The following TXNDC12 variants were observed in gnomAD, a reference collection of about 807,000 sequenced individuals.
The protein encoded by TXNDC12 is thioredoxin domain containing 12.
A neutral mutation model predicts 24.2 loss-of-function variants in TXNDC12; 22 were observed. The ratio of observed to expected loss-of-function variants is 0.91; its 90% CI spans 0.65 to 1.30. TXNDC12 has a LOEUF of 1.30. TXNDC12 is among the 50% of genes most tolerant of loss of function. The pLI is 0.00. For missense variants in TXNDC12, 184 were observed against 205.8 expected (o/e 0.89, Z 0.65); for synonymous variants, 58 against 73.4 (o/e 0.79, Z 1.07).
At position 52,020,921 on chromosome 1, in the gene TXNDC12, G is replaced by T; in HGVS notation, c.*12C>A. ...GAACACTAACTCTGATGAAAGAAGGGGCACATTCATGTTACAATTCATCTT... is the reference window on the plus strand; with the variant it reads ...GAACACTAACTCTGATGAAAGAAGGTGCACATTCATGTTACAATTCATCTT... On this transcript the variant is annotated 3_prime_UTR_variant, in exon 7 of 7. Transcript: ENST00000371626. 1 of 1,606,162 alleles carries T rather than the reference G, an allele frequency of 6.2e-7. No individual in the cohort carries two copies. Among genetic ancestry groups the T allele is most frequent in the African/African-American group, 1.3e-5 (1 of 74,876 alleles).
upstream of TXNDC12, chr1:52,055,239 G>T: frequency 1.6e-6 from 1 of 636,092 alleles, no homozygotes; most frequent in Non-Finnish European, 2.8e-6. Context: ...AGGAAGTGAT[G>T]TTAGACGGAT....
intron 2 of TXNDC12, chr1:52,033,471 C>T: frequency 1.9e-6 from 3 of 1,613,298 alleles, no homozygotes; most frequent in Non-Finnish European, 2.5e-6. Context: ...GGGTGCGCGC[C>T]GCCCGTGCCA....
intron 1 of TXNDC12, among the ~76,000 whole-genome samples, chr1:52,045,845 G>GA (rs1050196106): frequency 6.6e-5 from 10 of 151,910 alleles, no homozygotes; most frequent in African/African-American, 2.4e-4. Context: ...ACAGCCCTCA[G>GA]AAAAAACAAT....
At chr1:52,032,886 A>G (rs1224532001) in intron 2 of TXNDC12, 1 of 1,613,796 alleles carries the variant, frequency 6.2e-7, no homozygotes, top group East Asian at 2.2e-5. Flanking sequence ...CCCCGGGGAC[A>G]GCGCTCTTCT....
intron 2 of TXNDC12, chr1:52,033,568 G>T: frequency 6.2e-7 from 1 of 1,613,732 alleles, no homozygotes; most frequent in Non-Finnish European, 8.5e-7. Context: ...CCGTTCCACG[G>T]AGGCTCGCAG....
chr1:52,029,434 C>T (rs1352393309), intron 2 of TXNDC12, among the ~76,000 whole-genome samples: 1 of 152,116 alleles, frequency 6.6e-6, no homozygotes, highest in South Asian at 2.1e-4. Flanking sequence ...GCAATCCACC[C>T]GAACCAGACT....
At chr1:52,039,856 T>C (rs1402726956) in intron 2 of TXNDC12, among the ~76,000 whole-genome samples, 1 of 152,250 alleles carries the variant, frequency 6.6e-6, no homozygotes, top group Non-Finnish European at 1.5e-5. Flanking sequence ...CATTTCTCCC[T>C]TCTGCAAATG....
chr1:52,020,882 C>G lies in TXNDC12; in HGVS notation c.*51G>C, dbSNP rs1685585970. The G allele has an allele frequency of 6.8e-7, 1 of 1,481,370 alleles. No individual in the cohort carries two copies. The highest frequency in any genetic ancestry group is 2.3e-5 in the East Asian group (1 of 44,210). The allele number at this position is 1,481,370 out of a possible 1,614,324, so 91.8% of individuals were successfully genotyped here. A position where few individuals can be genotyped will look rare whatever the true frequency, so the allele number is the denominator to read the frequency against. Reference sequence around the variant, plus strand: ...TGATTCCTCAATATTCCCTTCCCTGCTGCTTTCCTTCCAGAACACTAACTC... The same window carrying G: ...TGATTCCTCAATATTCCCTTCCCTGGTGCTTTCCTTCCAGAACACTAACTC... On this transcript the variant is annotated 3_prime_UTR_variant, in exon 7 of 7. Transcript: ENST00000371626.
intron 4 of TXNDC12, among the ~76,000 whole-genome samples, chr1:52,025,154 G>A (rs752867723): frequency 6.6e-6 from 1 of 152,038 alleles, no homozygotes; most frequent in Non-Finnish European, 1.5e-5. Flanking sequence ...CAATAAGACT[G>A]GCATTTTAGT....
chr1:52,032,621 C>A (rs1391774514), intron 2 of TXNDC12: 1 of 1,524,192 alleles, frequency 6.6e-7, no homozygotes, highest in Non-Finnish European at 8.8e-7. Flanking sequence ...GCTCTGGAGA[C>A]CTGCAGCCTA....
intron 4 of TXNDC12, among the ~76,000 whole-genome samples, chr1:52,026,814 T>A (rs1685677476): frequency 6.6e-6 from 1 of 152,076 alleles, no homozygotes; most frequent in Admixed American, 6.5e-5. Flanking sequence ...GGTGGGTAGA[T>A]CACCAGAGGT....
At chr1:52,032,255 C>A in intron 2 of TXNDC12, 1 of 989,250 alleles carries the variant, frequency 1.0e-6, no homozygotes, top group Non-Finnish European at 1.2e-6. Flanking sequence ...GTACAGTACT[C>A]AAAAAATACT....
chr1:52,055,815 A>C (rs1686333136), upstream of TXNDC12: 1 of 152,292 alleles, frequency 6.6e-6, no homozygotes, highest in Non-Finnish European at 1.5e-5. Flanking sequence ...CTCTTATTGC[A>C]AAACTGACTT....
chr1:52,054,959 T>C (rs761868580), intron 1 of TXNDC12, 41 bp downstream of exon 1: 12 of 1,424,482 alleles, frequency 8.4e-6, no homozygotes, highest in Middle Eastern at 1.7e-4. Context: ...GGGATCAGTA[T>C]AGTAAAGATC....
At chr1:52,033,107 G>A in intron 2 of TXNDC12, 1 of 1,611,876 alleles carries the variant, frequency 6.2e-7, no homozygotes, top group Non-Finnish European at 8.5e-7. Flanking sequence ...CGAGAATCGG[G>A]AGCCTCAAAG....
intron 1 of TXNDC12, among the ~76,000 whole-genome samples, chr1:52,043,787 C>T (rs149385213): frequency 2.6e-5 from 4 of 152,320 alleles, no homozygotes; most frequent in East Asian, 1.9e-4. Flanking sequence ...AAATTGCAAT[C>T]GTGTGCCATT....
intron 1 of TXNDC12, among the ~76,000 whole-genome samples, chr1:52,046,866 A>AATATATATATATATATATATAT (rs869028968): frequency 3.3e-5 from 1 of 30,172 alleles, no homozygotes; most frequent in African/African-American, 5.4e-5. Context: ...AAAAAAAAAA[A>AATATATATATATATATATATAT]ATATATATAT....
At chr1:52,024,611 A>G in intron 4 of TXNDC12, 32 bp from the exon 5 acceptor site, 1 of 1,542,498 alleles carries the variant, frequency 6.5e-7, no homozygotes, top group Non-Finnish European at 8.9e-7. Flanking sequence ...CTTAAGTCAG[A>G]TAACGTCCTC....
chr1:52,020,245 GA>G lies in TXNDC12; in HGVS notation c.*687del. On this transcript the variant is annotated 3_prime_UTR_variant, in exon 7 of 7. Transcript: ENST00000371626. ...GACAAAATGGCTACACCTAGGGCTT[GA>G]AGGTTTGAGTTTCTCCAACAGTAAC... 1 of 301,298 alleles carries G rather than the reference GA, an allele frequency of 3.3e-6. No individual in the cohort carries two copies. Among genetic ancestry groups the G allele is most frequent in the Non-Finnish European group, 6.6e-6 (1 of 152,210 alleles). The allele number at this position is 301,298 out of a possible 1,614,324, so 18.7% of individuals were successfully genotyped here.
Sources: allele counts gnomAD v4.1 joint callset (sites outside exome capture counted in the v4.1 genomes callset), GRCh38; gene constraint gnomAD v4.1.1; transcripts MANE v1.5; gene names NCBI Gene and HGNC (gene_info 2026-07-23, HGNC 2026-07-21).